WFDC2: variants seen among roughly 807,000 people sequenced by gnomAD.
WFDC2 encodes the protein WAP four-disulfide core domain 2.
A neutral mutation model predicts 12.5 loss-of-function variants in WFDC2; 8 were observed. The observed-to-expected ratio is 0.64, with a 90% CI of 0.37 to 1.15. The LOEUF is 1.15. Among genes scored for constraint, WFDC2 ranks in the 50% most tolerant of loss-of-function variants. The probability of loss-of-function intolerance (pLI) is 0.01; values close to 1 mark genes in which losing one functional copy is unlikely to be tolerated. For missense variants in WFDC2, 166 were observed against 159.9 expected, an observed-to-expected ratio of 1.04 and a Z score of -0.21; for synonymous variants, 74 against 67.2, an observed-to-expected ratio of 1.10 and a Z score of -0.49.
rs1295344303 is a variant in WFDC2 at position 45,470,381 on chromosome 20, C to G, written c.80-8C>G. On this transcript the variant is annotated splice_region_variant and splice_polypyrimidine_tract_variant and intron_variant, in intron 1 of 3. Transcript: ENST00000372676. This position sits in a 1 kb window ranked among gnomAD's most constrained non-coding sequence, Gnocchi z 5.4. ...CCACCCTCGACTGTCCCGGGCCTCC[C>G]CTCCCAGGCACAGGAGCAGAGAAGA... is the stretch of plus-strand genomic sequence containing the variant. 6.3e-7 allele frequency: 1 copy of G among 1,578,458 alleles called. No individual in the cohort carries two copies. Among genetic ancestry groups the G allele is most frequent in the Non-Finnish European group, 8.6e-7 (1 of 1,161,188 alleles).
chr20:45,470,681 C>G lies in WFDC2; in HGVS notation c.223+149C>G, dbSNP rs899227413. Reference sequence around the variant, plus strand: ...GGTTGAAACCAGATCCGTCAGTCCTCTCCCTCGCACGGCCCAGGGGTAGAC... The same window carrying G: ...GGTTGAAACCAGATCCGTCAGTCCTGTCCCTCGCACGGCCCAGGGGTAGAC... On this transcript the variant is annotated intron_variant, in intron 2 of 3. Transcript: ENST00000372676. This position sits in a 1 kb window ranked among gnomAD's most constrained non-coding sequence, Gnocchi z 5.4. The G allele has an allele frequency of 2.0e-5, 23 of 1,162,442 alleles. No homozygotes were observed. The South Asian group carries it at 3.6e-4, about 18-fold the overall frequency. The allele number at this position is 1,162,442 out of a possible 1,614,324, so 72.0% of individuals were successfully genotyped here. A position where few individuals can be genotyped will look rare whatever the true frequency, so the allele number is the denominator to read the frequency against.
intron 2 of WFDC2, among the ~76,000 whole-genome samples, chr20:45,477,743 G>T (rs1361600974): frequency 1.3e-5 from 2 of 152,216 alleles, no homozygotes; most frequent in Non-Finnish European, 2.9e-5. Context: ...CGGCAGGCAG[G>T]CTGAAGCCAC....
intron 2 of WFDC2, chr20:45,479,514 T>C (rs1991273264): frequency 4.4e-6 from 3 of 674,370 alleles, no homozygotes; most frequent in Non-Finnish European, 7.8e-6. Flanking sequence ...ATACCTGGCA[T>C]GTAATAAGAG....
At chr20:45,473,102 G>A (rs886124132) in intron 2 of WFDC2, among the ~76,000 whole-genome samples, 1 of 152,104 alleles carries the variant, frequency 6.6e-6, no homozygotes, top group African/African-American at 2.4e-5. Context: ...GATGGATAGA[G>A]TGCAAAAATT....
At position 45,480,051 on chromosome 20, in the gene WFDC2, C is replaced by A. The variant is rs771848542; in HGVS notation, c.333C>A (p.Arg111=). ...GTCCTGGCCAGATGAAATGCTGCCG[C>A]AATGGCTGTGGGAAGGTGTCCTGTG... The part of the protein sequence containing the change: ...SQCPGQMKCC[R]NGCGKVSCVT... The change falls in exon 3 of 4, where the codon CGC becomes CGA. Residue 111 remains arginine, a synonymous_variant. Coordinates refer to ENST00000372676, the MANE Select transcript of WFDC2 (RefSeq NM_006103.4). The A allele has an allele frequency of 1.9e-6, 3 of 1,614,206 alleles. No homozygotes were observed. The highest frequency in any genetic ancestry group is 2.5e-6 in the Non-Finnish European group (3 of 1,180,042).
At chr20:45,480,196 C>T (rs1017051421) in intron 3 of WFDC2, 102 bp downstream of exon 3, 6 of 1,529,132 alleles carry the variant, frequency 3.9e-6, no homozygotes, top group Non-Finnish European at 5.3e-6. Context: ...GTTGCAGGGA[C>T]AGTTGGGAAA....
At chr20:45,470,000 A>G (rs539476450) in intron 1 of WFDC2, 140 bp downstream of exon 1, 16 of 1,086,486 alleles carry the variant, frequency 1.5e-5, no homozygotes, top group Non-Finnish European at 2.1e-5. Context: ...CTTGGAGCCT[A>G]GGGTGTGGGG....
chr20:45,470,560 G>A lies in WFDC2; in HGVS notation c.223+28G>A. On this transcript the variant is annotated intron_variant, in intron 2 of 3. Coordinates refer to ENST00000372676, the MANE Select transcript of WFDC2 (RefSeq NM_006103.4). The surrounding 1 kb of genome is among the most constrained non-coding windows in gnomAD (Gnocchi z 5.4). Reference sequence around the variant, plus strand: ...AACCCCACGGCGGCCGAGCGGGAACGGGGCGGGGCCGCGCTGGGCTGGGAG... The same window carrying A: ...AACCCCACGGCGGCCGAGCGGGAACAGGGCGGGGCCGCGCTGGGCTGGGAG... The A allele has an allele frequency of 1.9e-6, 3 of 1,564,612 alleles. No individual in the cohort carries two copies. Among genetic ancestry groups the A allele is most frequent in the Non-Finnish European group, 2.6e-6 (3 of 1,151,726 alleles).
At position 45,479,958 on chromosome 20, in the gene WFDC2, C is replaced by T. The variant is rs769309062; in HGVS notation, c.240C>T (p.Cys80=). ...TCTACCCAGATAAGGAGGGTTCCTG[C>T]CCCCAGGTGAACATTAACTTTCCCC... The part of the protein sequence containing the change: ...CSLPNDKEGS[C]PQVNINFPQL... Residue 80 remains cysteine, a synonymous_variant, in exon 3 of 4, where the codon TGC becomes TGT. Coordinates refer to ENST00000372676, the MANE Select transcript of WFDC2 (RefSeq NM_006103.4). 2.6e-5 allele frequency: 42 copies of T among 1,614,122 alleles called. No homozygotes were observed. The South Asian group carries it at 4.6e-4, about 18-fold the overall frequency.
At position 45,470,398 on chromosome 20, in the gene WFDC2, C is replaced by T. The variant is rs1013004014; in HGVS notation, c.89C>T (p.Ala30Val). 8 of 1,587,622 alleles carry T rather than the reference C, an allele frequency of 5.0e-6. No individual in the cohort carries two copies. The highest frequency in any genetic ancestry group is 1.7e-5 in the Admixed American group (1 of 57,198). The change falls in exon 2 of 4, where the codon GCA (alanine) becomes GTA (valine). Residue 30 changes from alanine to valine, a missense_variant. Physicochemically the swap from Ala to Val is moderately conservative, Grantham distance 64. Transcript: ENST00000372676. The surrounding 1 kb of genome is among the most constrained non-coding windows in gnomAD (Gnocchi z 5.4). ...FGFTLVSGTGAEKTGVCPELQ... is the reference protein window; with the variant it reads ...FGFTLVSGTGVEKTGVCPELQ... ...GGGCCTCCCCTCCCAGGCACAGGAG[C>T]AGAGAAGACTGGCGTGTGCCCCGAG...
intron 2 of WFDC2, among the ~76,000 whole-genome samples, chr20:45,473,021 C>T (rs970267350): frequency 6.6e-6 from 1 of 152,104 alleles, no homozygotes; most frequent in African/African-American, 2.4e-5. Context: ...CCTTCGCCCA[C>T]GTTCTAATGG....
At chr20:45,480,198 G>A (rs1991285188) in intron 3 of WFDC2, 104 bp downstream of exon 3, 2 of 1,512,406 alleles carry the variant, frequency 1.3e-6, no homozygotes, top group Admixed American at 1.8e-5. Context: ...TGCAGGGACA[G>A]TTGGGAAAGG....
intron 2 of WFDC2, among the ~76,000 whole-genome samples, chr20:45,471,982 C>A (rs1991178285): frequency 6.6e-6 from 1 of 152,206 alleles, no homozygotes; most frequent in African/African-American, 2.4e-5. Context: ...GAAGATACTC[C>A]ATACACAGTG....
intron 2 of WFDC2, chr20:45,479,727 A>T: frequency 1.2e-6 from 2 of 1,614,038 alleles, no homozygotes; most frequent in Non-Finnish European, 1.7e-6. Context: ...ACTCAAGCTG[A>T]GGTCCTGTGA....
chr20:45,469,993 G>A (rs1991145747), intron 1 of WFDC2, 133 bp downstream of exon 1: 1 of 1,142,892 alleles, frequency 8.7e-7, no homozygotes, highest in Non-Finnish European at 1.2e-6. Flanking sequence ...GGGGACCCTT[G>A]GAGCCTAGGG....
At chr20:45,476,658 T>C (rs1991236662) in intron 2 of WFDC2, among the ~76,000 whole-genome samples, 1 of 152,202 alleles carries the variant, frequency 6.6e-6, no homozygotes. Flanking sequence ...CTTGGGGTTA[T>C]TCTTCTCAAG....
intron 2 of WFDC2, among the ~76,000 whole-genome samples, chr20:45,477,727 C>T (rs1229022353): frequency 6.6e-6 from 1 of 152,146 alleles, no homozygotes; most frequent in Non-Finnish European, 1.5e-5. Context: ...CTGCTCTCTT[C>T]AGAACCGGCA....
intron 2 of WFDC2, among the ~76,000 whole-genome samples, chr20:45,474,765 C>A (rs1991212725): frequency 6.6e-6 from 1 of 152,144 alleles, no homozygotes; most frequent in Non-Finnish European, 1.5e-5. Context: ...AGCAACTCCT[C>A]TTTGTACCTC....
chr20:45,474,410 C>G (rs1991208494), intron 2 of WFDC2, among the ~76,000 whole-genome samples: 1 of 152,060 alleles, frequency 6.6e-6, no homozygotes. Flanking sequence ...TTATCAAAGG[C>G]CTTTTCTGCA....
Sources: gnomAD v4.1 joint callset for allele counts (sites outside exome capture counted in the v4.1 genomes callset) on GRCh38, gnomAD v4.1.1 for gene constraint, Gnocchi (gnomAD v3.1) non-coding constraint, MANE v1.5 for transcripts, NCBI Gene and HGNC (gene_info 2026-07-23, HGNC 2026-07-21) for gene names.